CEP112: variants seen among roughly 807,000 people sequenced by gnomAD.
CEP112 encodes centrosomal protein of 112 kDa.
A neutral mutation model predicts 153.0 loss-of-function variants in CEP112; 127 were observed. The observed-to-expected ratio is 0.83, with a 90% CI of 0.72 to 0.96. The LOEUF (loss-of-function observed/expected upper bound fraction) is 0.96, where lower values mean the gene tolerates loss of function less well. Ranked by LOEUF, CEP112 falls within the 40% of genes least tolerant of loss-of-function variation. CEP112 has a pLI of 0.00. For synonymous variants in CEP112, 358 were observed against 374.4 expected, an observed-to-expected ratio of 0.96 and a Z score of 0.51; for missense variants, 1,089 against 1,101.2, an observed-to-expected ratio of 0.99 and a Z score of 0.16.
At chr17:65,995,939 T>C (rs1474028888) in intron 17 of CEP112, among the ~76,000 whole-genome samples, 1 of 152,176 alleles carries the variant, frequency 6.6e-6, no homozygotes, top group Non-Finnish European at 1.5e-5. Context: ...TGCCTTTCGC[T>C]TTCCACCATG....
At chr17:65,638,366 C>T (rs72841584) in intron 25 of CEP112, among the ~76,000 whole-genome samples, 10 of 152,310 alleles carry the variant, frequency 6.6e-5, no homozygotes, top group Non-Finnish European at 1.3e-4. Flanking sequence ...GGTATTTGAT[C>T]GTTTCAGAAT....
chr17:65,816,968 A>C (rs1198464557), intron 21 of CEP112, among the ~76,000 whole-genome samples: 3 of 151,992 alleles, frequency 2.0e-5, no homozygotes, highest in Non-Finnish European at 1.5e-5. Flanking sequence ...AACATTGTGG[A>C]GGCAGTTGCT....
At chr17:65,911,750 T>G (rs913554754) in intron 19 of CEP112, among the ~76,000 whole-genome samples, 1 of 152,200 alleles carries the variant, frequency 6.6e-6, no homozygotes, top group African/African-American at 2.4e-5. Flanking sequence ...ATTTAATATT[T>G]TAATTAAAAG....
chr17:66,005,315 A>C (rs1568367442), intron 17 of CEP112, among the ~76,000 whole-genome samples: 1 of 152,196 alleles, frequency 6.6e-6, no homozygotes, highest in Non-Finnish European at 1.5e-5. Flanking sequence ...TCCATTTTCA[A>C]ATATAACAAC....
intron 2 of CEP112, among the ~76,000 whole-genome samples, chr17:66,179,223 T>C (rs2072615169): frequency 6.6e-6 from 1 of 152,198 alleles, no homozygotes; most frequent in African/African-American, 2.4e-5. Flanking sequence ...TTTCTATTTC[T>C]GTGAAGAATG....
chr17:65,922,595 A>C (rs1468231111), intron 19 of CEP112, among the ~76,000 whole-genome samples: 1 of 152,118 alleles, frequency 6.6e-6, no homozygotes, highest in Admixed American at 6.5e-5. Context: ...CATCAAAATG[A>C]GAATATAATT....
chr17:65,709,275 T>C (rs530555069), intron 23 of CEP112, among the ~76,000 whole-genome samples: 2 of 152,354 alleles, frequency 1.3e-5, no homozygotes, highest in East Asian at 3.9e-4. Context: ...TTACAACAAT[T>C]CTTAGATATT....
chr17:65,963,674 G>GGTGTGTGT (rs58215209), intron 17 of CEP112, among the ~76,000 whole-genome samples: 18 of 147,542 alleles, frequency 1.2e-4, no homozygotes, highest in Non-Finnish European at 1.8e-4. Flanking sequence ...TATAGATAGG[G>GGTGTGTGT]GTGTGTGTGT....
At chr17:65,703,838 A>C (rs1187807600) in intron 23 of CEP112, among the ~76,000 whole-genome samples, 4 of 150,976 alleles carry the variant, frequency 2.6e-5, no homozygotes, top group Admixed American at 1.3e-4. Flanking sequence ...CAGAAAAACA[A>C]GTTTTTGTGT....
intron 8 of CEP112, among the ~76,000 whole-genome samples, chr17:66,078,310 G>C (rs1367992052): frequency 1.4e-5 from 2 of 143,308 alleles, no homozygotes; most frequent in Non-Finnish European, 3.0e-5. Flanking sequence ...CCATGCTGAA[G>C]TGCAGTGACA....
chr17:65,855,797 C>T (rs2058102018), intron 20 of CEP112, among the ~76,000 whole-genome samples: 1 of 152,172 alleles, frequency 6.6e-6, no homozygotes, highest in Admixed American at 6.5e-5. Flanking sequence ...GGTGTGTTGG[C>T]TTATGCCTGT....
At chr17:65,720,462 T>C (rs2049802082) in intron 23 of CEP112, among the ~76,000 whole-genome samples, 1 of 152,132 alleles carries the variant, frequency 6.6e-6, no homozygotes, top group East Asian at 1.9e-4. Flanking sequence ...TGAAGGTTTC[T>C]AGGAAAGAGC....
At chr17:66,024,273 T>C (rs12946277) in intron 16 of CEP112, among the ~76,000 whole-genome samples, 140,946 of 152,168 alleles carry the variant, frequency 0.93, 65,511 homozygotes, top group East Asian at 0.97. Context: ...CAAGGATGCT[T>C]ACTTTCACCA....
At chr17:65,800,227 AT>A (rs950859206) in intron 21 of CEP112, among the ~76,000 whole-genome samples, 23 of 149,800 alleles carry the variant, frequency 1.5e-4, no homozygotes, top group African/African-American at 3.9e-4. Context: ...TCTGATTCTG[AT>A]TTTTTTTTTC....
At chr17:65,640,609 CTCTGCCCT>C (rs1170373598) in intron 25 of CEP112, among the ~76,000 whole-genome samples, 1 of 152,180 alleles carries the variant, frequency 6.6e-6, no homozygotes, top group East Asian at 1.9e-4. Flanking sequence ...CTTTCAATTT[CTCTGCCCT>C]TCTGCACAGT....
At chr17:65,661,885 A>G (rs936255982) in intron 24 of CEP112, 3 of 152,180 alleles carry the variant, frequency 2.0e-5, no homozygotes, top group African/African-American at 4.8e-5. Context: ...AGAGATTGAC[A>G]TCTATATTTT....
chr17:66,116,863 CTTT>C (rs35885142), intron 6 of CEP112, among the ~76,000 whole-genome samples: 4 of 119,202 alleles, frequency 3.4e-5, no homozygotes, highest in Admixed American at 1.0e-4. Context: ...CTCCAATCTC[CTTT>C]TTTTTTTTTT....
intron 17 of CEP112, among the ~76,000 whole-genome samples, chr17:65,973,961 C>T (rs551932077): frequency 6.6e-6 from 1 of 152,226 alleles, no homozygotes; most frequent in Admixed American, 6.5e-5. Context: ...TTTAATCTCA[C>T]TTACAAGAGT....
At chr17:65,932,922 T>C (rs562639999) in intron 18 of CEP112, among the ~76,000 whole-genome samples, 1 of 152,188 alleles carries the variant, frequency 6.6e-6, no homozygotes, top group East Asian at 1.9e-4. Flanking sequence ...TAAGAAAATA[T>C]GGATAGAAAA....
Sources: allele counts gnomAD v4.1 joint callset (sites outside exome capture counted in the v4.1 genomes callset), GRCh38; gene constraint gnomAD v4.1.1; transcripts MANE v1.5; gene names NCBI Gene and HGNC (gene_info 2026-07-23, HGNC 2026-07-21).